TNIK: variants seen among roughly 807,000 people sequenced by gnomAD.
TNIK encodes TRAF2 and NCK-interacting protein kinase.
In TNIK, 49 loss-of-function variants were observed where a neutral mutation model predicts 191.3. That is an observed-to-expected ratio of 0.26 (90% CI 0.20 to 0.32). TNIK has a LOEUF of 0.32. Ranked by LOEUF, TNIK falls within the 10% of genes least tolerant of loss-of-function variation. The pLI, the probability that TNIK is intolerant of heterozygous loss-of-function variation, is 1.00. For synonymous variants in TNIK, 594 were observed against 600.9 expected (o/e 0.99, Z 0.17); for missense variants, 1,155 against 1,702.3 (o/e 0.68, Z 5.66).
intron 24 of TNIK, among the ~76,000 whole-genome samples, chr3:171,085,983 G>C (rs1415509141): frequency 2.0e-5 from 3 of 152,180 alleles, no homozygotes; most frequent in Non-Finnish European, 4.4e-5. Flanking sequence ...CTCAATATCA[G>C]GGTTTTATGT....
intron 22 of TNIK, among the ~76,000 whole-genome samples, chr3:171,096,836 C>A (rs1273421397): frequency 1.3e-5 from 2 of 152,132 alleles, no homozygotes; most frequent in African/African-American, 4.8e-5. Flanking sequence ...CGCTGAAGAT[C>A]TTGGGTCAAG....
At chr3:171,263,877 T>C (rs1235275989) in intron 2 of TNIK, among the ~76,000 whole-genome samples, 1 of 151,886 alleles carries the variant, frequency 6.6e-6, no homozygotes, top group Non-Finnish European at 1.5e-5. Flanking sequence ...GGCAGAGGCC[T>C]GGCACACTGG....
At chr3:171,205,604 C>G (rs745980103) in intron 4 of TNIK, among the ~76,000 whole-genome samples, 47 of 152,318 alleles carry the variant, frequency 3.1e-4, no homozygotes, top group Non-Finnish European at 5.3e-4. Context: ...GATTCACTTA[C>G]TAAAACAGTT....
At chr3:171,229,134 A>ATAATAATACC (rs1743306663) in intron 2 of TNIK, among the ~76,000 whole-genome samples, 1 of 152,184 alleles carries the variant, frequency 6.6e-6, no homozygotes, top group South Asian at 2.1e-4. Flanking sequence ...AACTGAAATA[A>ATAATAATACC]TAATAATACC....
chr3:171,336,419 C>G (rs1048458327), intron 2 of TNIK, among the ~76,000 whole-genome samples: 1 of 152,140 alleles, frequency 6.6e-6, no homozygotes, highest in Non-Finnish European at 1.5e-5. Flanking sequence ...TGTCTCCCTC[C>G]TCTCTCTCAG....
chr3:171,279,041 C>T (rs1341821536), intron 2 of TNIK, among the ~76,000 whole-genome samples: 1 of 151,864 alleles, frequency 6.6e-6, no homozygotes, highest in Non-Finnish European at 1.5e-5. Context: ...TAGGGGAGAA[C>T]AAGTCTTCTA....
intron 2 of TNIK, among the ~76,000 whole-genome samples, chr3:171,336,641 C>T (rs1389143506): frequency 6.6e-6 from 1 of 152,180 alleles, no homozygotes; most frequent in African/African-American, 2.4e-5. Context: ...GAGAGGTAGG[C>T]AAAGTCCATT....
At chr3:171,131,332 C>T (rs1156827824) in intron 15 of TNIK, among the ~76,000 whole-genome samples, 31 of 64,116 alleles carry the variant, frequency 4.8e-4, no homozygotes, top group East Asian at 4.7e-3. Flanking sequence ...AGCGAGACTC[C>T]GTCTCAAAAA....
At chr3:171,082,900 C>T (rs780112933) in intron 26 of TNIK, among the ~76,000 whole-genome samples, 2 of 152,116 alleles carry the variant, frequency 1.3e-5, no homozygotes, top group African/African-American at 2.4e-5. Context: ...TATCTTATGC[C>T]CCATACCCTC....
intron 2 of TNIK, among the ~76,000 whole-genome samples, chr3:171,313,893 C>T (rs1395537702): frequency 3.3e-5 from 5 of 152,068 alleles, no homozygotes; most frequent in Admixed American, 2.0e-4. Flanking sequence ...CATCCGGGCA[C>T]GGTATGACAT....
intron 7 of TNIK, among the ~76,000 whole-genome samples, chr3:171,182,742 C>T (rs1736825186): frequency 6.6e-6 from 1 of 152,076 alleles, no homozygotes; most frequent in South Asian, 2.1e-4. Flanking sequence ...CTGCTCAACA[C>T]AGTGAAGAAA....
At chr3:171,270,170 T>A (rs1426429172) in intron 2 of TNIK, among the ~76,000 whole-genome samples, 2 of 152,168 alleles carry the variant, frequency 1.3e-5, no homozygotes, top group African/African-American at 4.8e-5. Flanking sequence ...AAGGAGCTAC[T>A]CAGATACTGC....
At chr3:171,449,295 A>G (rs1019086389) in intron 1 of TNIK, among the ~76,000 whole-genome samples, 13 of 152,198 alleles carry the variant, frequency 8.5e-5, no homozygotes, top group African/African-American at 3.1e-4. Flanking sequence ...GTCAAATGGT[A>G]TTTCTGGTTC....
At chr3:171,260,780 A>G (rs1277703219) in intron 2 of TNIK, among the ~76,000 whole-genome samples, 5 of 152,340 alleles carry the variant, frequency 3.3e-5, no homozygotes, top group East Asian at 1.9e-4. Context: ...TAAAAACTCA[A>G]TAGAACCTTC....
intron 3 of TNIK, among the ~76,000 whole-genome samples, chr3:171,224,357 T>A (rs1742724785): frequency 1.3e-5 from 2 of 152,100 alleles, no homozygotes; most frequent in African/African-American, 4.8e-5. Context: ...AAGCTTACAA[T>A]ATTAGTATTT....
At chr3:171,127,688 G>T (rs541574370) in intron 16 of TNIK, among the ~76,000 whole-genome samples, 1 of 152,254 alleles carries the variant, frequency 6.6e-6, no homozygotes, top group African/African-American at 2.4e-5. Flanking sequence ...AGGCATGAAA[G>T]AATTATATAC....
intron 2 of TNIK, among the ~76,000 whole-genome samples, chr3:171,330,124 A>G (rs1219503737): frequency 6.6e-6 from 1 of 152,222 alleles, no homozygotes; most frequent in African/African-American, 2.4e-5. Context: ...ATTCTGAATG[A>G]TCTTCTTCCT....
intron 3 of TNIK, among the ~76,000 whole-genome samples, chr3:171,227,568 AT>A (rs1743106375): frequency 6.6e-6 from 1 of 152,192 alleles, no homozygotes; most frequent in African/African-American, 2.4e-5. Context: ...GGCAAACAGT[AT>A]TCACTCTAAC....
At chr3:171,252,850 G>T (rs1032043410) in intron 2 of TNIK, among the ~76,000 whole-genome samples, 1 of 152,108 alleles carries the variant, frequency 6.6e-6, no homozygotes, top group African/African-American at 2.4e-5. Context: ...TAAACAGCTA[G>T]GATTTCACCA....
Sources: allele counts gnomAD v4.1 joint callset (sites outside exome capture counted in the v4.1 genomes callset), GRCh38; gene constraint gnomAD v4.1.1; transcripts MANE v1.5; gene names NCBI Gene and HGNC (gene_info 2026-07-23, HGNC 2026-07-21).